The following ARFGAP1 variants were observed in gnomAD, a reference collection of about 807,000 sequenced individuals.
The protein encoded by ARFGAP1 is ARF GTPase activating protein 1, also known as ADP-ribosylation factor GTPase-activating protein 1.
A neutral mutation model predicts 54.0 loss-of-function variants in ARFGAP1; 26 were observed. The ratio of observed to expected loss-of-function variants is 0.48; its 90% confidence interval spans 0.35 to 0.67. The LOEUF is 0.67. ARFGAP1 is among the 30% of genes least tolerant of loss of function. The pLI, the probability that ARFGAP1 is intolerant of heterozygous loss-of-function variation, is 0.00. For synonymous variants in ARFGAP1, 248 were observed against 211.9 expected (o/e 1.17, Z -1.48); for missense variants, 525 against 535.8 (o/e 0.98, Z 0.20).
chr20:63,287,437 C>A, intron 12 of ARFGAP1, 127 bp from the exon 13 acceptor site: 1 of 829,632 alleles, frequency 1.2e-6, no homozygotes, highest in African/African-American at 1.7e-5. Context: ...GGTGGGGCTG[C>A]TGTGGACCCT....
At chr20:63,286,697 G>T in intron 12 of ARFGAP1, 4 of 449,014 alleles carry the variant, frequency 8.9e-6, no homozygotes, top group Non-Finnish European at 1.6e-5. Context: ...GGCCTGTCCT[G>T]CCTGTCTCTG....
Position 63,282,828 on chromosome 20 carries a change from T to C in ARFGAP1, c.694T>C (p.Phe232Leu). Residue 232 changes from phenylalanine (F) to leucine (L), a missense_variant, in exon 9 of 13, where the codon TTT becomes CTT. Phe to Leu is a conservative substitution (Grantham distance 22, BLOSUM62 0). Coordinates refer to ENST00000370283, the MANE Select transcript of ARFGAP1 (RefSeq NM_018209.4). ...TTGTTTTTCATTTTAGGCTACAAAG[T>C]TTGGATCCCAAGCGAGTCAGAAGGT... Reference protein sequence around the residue: ...ASAAKEGATKFGSQASQKASE... With the variant: ...ASAAKEGATKLGSQASQKASE... The C allele has an allele frequency of 1.9e-6, 3 of 1,614,050 alleles. No homozygotes were observed. The highest frequency in any genetic ancestry group is 1.6e-4 in the Middle Eastern group (1 of 6,062).
At chr20:63,284,578 C>T in intron 9 of ARFGAP1, 1 of 1,293,500 alleles carries the variant, frequency 7.7e-7, no homozygotes, top group African/African-American at 1.5e-5. Flanking sequence ...CTGTTCCCAC[C>T]AGCCCGGCCC....
In ARFGAP1 at chr20:63,278,101, C is replaced by T. The variant is rs369995787; in HGVS notation, c.444-16C>T. The T allele has an allele frequency of 3.3e-5, 54 of 1,613,034 alleles. No homozygotes were observed. Among genetic ancestry groups the T allele is most frequent in the Admixed American group, 6.7e-5 (4 of 59,992 alleles). On this transcript the variant is annotated splice_polypyrimidine_tract_variant and intron_variant, in intron 5 of 12. Transcript: ENST00000370283. ...ACCCAGTTTTGGCCTTACCAGCCTT[C>T]GATTCTCGGTTTCAGAGTCTCTGGC... is the stretch of plus-strand genomic sequence containing the variant.
intron 7 of ARFGAP1, among the ~76,000 whole-genome samples, chr20:63,280,919 G>A (rs1031350274): frequency 6.6e-6 from 1 of 152,212 alleles, no homozygotes; most frequent in Non-Finnish European, 1.5e-5. Flanking sequence ...AGGTTACGCT[G>A]GTCGTGACCC....
chr20:63,283,599 A>C, intron 9 of ARFGAP1: 1 of 494,404 alleles, frequency 2.0e-6, no homozygotes, highest in Non-Finnish European at 3.6e-6. Flanking sequence ...GCCCACCCCC[A>C]GCTGCAGGGA....
At chr20:63,287,248 C>T (rs2067582285) in intron 12 of ARFGAP1, among the ~76,000 whole-genome samples, 1 of 152,252 alleles carries the variant, frequency 6.6e-6, no homozygotes, top group Admixed American at 6.5e-5. Context: ...AGGCCAAGCG[C>T]CCCTGCCCCT....
At chr20:63,280,274 T>G (rs577224910) in intron 7 of ARFGAP1, among the ~76,000 whole-genome samples, 1 of 152,214 alleles carries the variant, frequency 6.6e-6, no homozygotes, top group Non-Finnish European at 1.5e-5. Flanking sequence ...TTGTTTTTTG[T>G]TTTTTTGTTT....
chr20:63,286,150 AG>A, intron 11 of ARFGAP1: 1 of 1,550,234 alleles, frequency 6.5e-7, no homozygotes, highest in Non-Finnish European at 8.7e-7. Flanking sequence ...TCTGTGCACG[AG>A]GCTGTCCTCG....
rs1241277982 is a variant in ARFGAP1, at chr20:63,288,930, C to T, written c.*1057C>T. On this transcript the variant is annotated 3_prime_UTR_variant, in exon 13 of 13. Transcript: ENST00000370283. ...CTCTCCTCCCTGCCACCATGCTCAT[C>T]ACTCTGGCCTTGGCCATGCTCCCTG... is the stretch of plus-strand genomic sequence containing the variant. 1.7e-5 allele frequency: 4 copies of T among 235,774 alleles called. No individual in the cohort carries two copies. Among genetic ancestry groups the T allele is most frequent in the Non-Finnish European group, 3.5e-5 (4 of 115,810 alleles). 14.6% of individuals were successfully genotyped at this position (235,774 alleles called of 1,614,324 possible).
chr20:63,281,322 G>T lies in ARFGAP1; in HGVS notation c.659G>T (p.Arg220Leu). Residue 220 changes from arginine to leucine, a missense_variant, in exon 8 of 13, where the codon CGG becomes CTG. Around this residue, in one of 3 missense-constraint regions of ARFGAP1, gnomAD observed 466 missense variants for 453.6 expected, o/e 1.03. Coordinates refer to ENST00000370283, the MANE Select transcript of ARFGAP1 (RefSeq NM_018209.4). ...AGCAGCTTCACCACTGGAGCCAGCC[G>T]GTTTGCCTCGGCAGCCAAGGAGGGC... Reference protein sequence around the residue: ...GWSSFTTGASRFASAAKEGAT... With the variant: ...GWSSFTTGASLFASAAKEGAT... The T allele has an allele frequency of 6.2e-7, 1 of 1,601,304 alleles. No individual in the cohort carries two copies.
At position 63,278,203 on chromosome 20, in the gene ARFGAP1, G is replaced by T. The variant is rs1247156577; in HGVS notation, c.530G>T (p.Gly177Val). Residue 177 changes from glycine (G) to valine (V), a missense_variant and splice_region_variant, in exon 6 of 13, where the codon GGG (glycine) becomes GTG (valine). This residue lies in a region of ARFGAP1 where 466 missense variants were observed against 453.6 expected (regional missense o/e 1.03). Coordinates refer to ENST00000370283, the MANE Select transcript of ARFGAP1 (RefSeq NM_018209.4). ...WLNDDLGSYQ[G>V]AQGNRYVGFG... is the part of the protein sequence containing the mutation. ...AATGATGACCTCGGCTCCTATCAAG[G>T]GTAAGGACTTGAGAGCTGGGGACGC... 1.2e-6 allele frequency: 2 copies of T among 1,612,880 alleles called. No individual in the cohort carries two copies. The highest frequency in any genetic ancestry group is 1.7e-6 in the Non-Finnish European group (2 of 1,179,760).
Position 63,288,125 on chromosome 20 carries a change from G to A in ARFGAP1, c.*252G>A, listed in dbSNP as rs548771033. 4.8e-5 allele frequency: 29 copies of A among 604,850 alleles called. No individual in the cohort carries two copies. The highest frequency in any genetic ancestry group is 3.9e-4 in the African/African-American group (21 of 54,432). The allele number at this position is 604,850 out of a possible 1,614,324, so 37.5% of individuals were successfully genotyped here. On this transcript the variant is annotated 3_prime_UTR_variant, in exon 13 of 13. Transcript: ENST00000370283. ...TCCCACACTCCCCTGGGCATTCTTG[G>A]ACTCAAGGCCGGGGCTCTGCGTGGC... is the stretch of plus-strand genomic sequence containing the variant.
intron 9 of ARFGAP1, chr20:63,283,483 G>T: frequency 3.3e-6 from 1 of 300,632 alleles, no homozygotes. Flanking sequence ...ATGGCTCTAG[G>T]ACGCGCCTTT....
chr20:63,279,684 G>A (rs1020400611), intron 7 of ARFGAP1, among the ~76,000 whole-genome samples: 1 of 152,182 alleles, frequency 6.6e-6, no homozygotes, highest in Non-Finnish European at 1.5e-5. Context: ...AGTTGCTCGG[G>A]TGCTGCCTGA....
At chr20:63,281,986 C>T (rs1185326697) in intron 8 of ARFGAP1, among the ~76,000 whole-genome samples, 1 of 152,176 alleles carries the variant, frequency 6.6e-6, no homozygotes, top group East Asian at 1.9e-4. Context: ...GTGGAAGTCA[C>T]GGTGCGCACC....
At chr20:63,275,530 G>A (rs375366074) in intron 1 of ARFGAP1, 47 bp from the exon 2 acceptor site, 1 of 1,567,140 alleles carries the variant, frequency 6.4e-7, no homozygotes. Context: ...CTTTTTTGTA[G>A]AGTAGCCTGT....
At chr20:63,277,331 TAC>T in intron 5 of ARFGAP1, 26 bp downstream of exon 5, 1 of 1,595,430 alleles carries the variant, frequency 6.3e-7, no homozygotes, top group Non-Finnish European at 8.5e-7. Context: ...GGGGCCTTAG[TAC>T]AGTTTCCACT....
rs1312315250 is a variant in ARFGAP1 at position 63,285,638 on chromosome 20, G to A, written c.775-16G>A. The A allele has an allele frequency of 1.2e-6, 2 of 1,612,912 alleles. No individual in the cohort carries two copies. On this transcript the variant is annotated splice_polypyrimidine_tract_variant and intron_variant, in intron 10 of 12. Coordinates refer to ENST00000370283, the MANE Select transcript of ARFGAP1 (RefSeq NM_018209.4). The stretch of plus-strand genomic sequence containing the variant: ...CTCTCCCGCCCCCATTAATGCCGCT[G>A]TCTTCATCCGTGCAGGTGAAGGAGG...
Sources: gnomAD v4.1 joint callset for allele counts (sites outside exome capture counted in the v4.1 genomes callset) on GRCh38, gnomAD v4.1.1 for gene constraint, gnomAD v4.1.1 regional missense constraint, MANE v1.5 for transcripts, NCBI Gene and HGNC (gene_info 2026-07-23, HGNC 2026-07-21) for gene names.